The following SOCS5 variants were observed in gnomAD, a reference collection of about 807,000 sequenced individuals.
SOCS5 encodes suppressor of cytokine signaling 5.
A neutral mutation model predicts 42.8 loss-of-function variants in SOCS5; 32 were observed. That is an observed-to-expected ratio of 0.75 (90% CI 0.56 to 1.01). The LOEUF is 1.01. SOCS5 is among the 50% of genes least tolerant of loss of function. The probability of loss-of-function intolerance (pLI) is 0.00; values close to 1 mark genes in which losing one functional copy is unlikely to be tolerated. For synonymous variants in SOCS5, 283 were observed against 229.6 expected (o/e 1.23, Z -2.10); for missense variants, 627 against 653.0 (o/e 0.96, Z 0.43).
In SOCS5 at chr2:46,704,588, T is replaced by A. The variant is rs114261154; in HGVS notation, c.-13+5139T>A. On this transcript the variant is annotated intron_variant, in intron 1 of 1. Transcript: ENST00000394861. ...GTCTTTGTATCAGGATGTAATACTA[T>A]TATGTACTGTATACAGTTTGCTTTT... Among the ~76,000 whole-genome samples the A allele has an allele frequency of 9.1e-3, 1,390 of 152,286 alleles. 13 individuals carry two copies. The highest frequency in any genetic ancestry group is 0.016 in the Admixed American group (242 of 15,290).
chr2:46,721,627 G>C lies in SOCS5; in HGVS notation c.-13+22178G>C, dbSNP rs186670214. 4.8e-3 allele frequency among the ~76,000 whole-genome samples: 729 copies of C among 152,158 alleles called. 1 individual carries two copies. The highest frequency in any genetic ancestry group is 7.4e-3 in the Non-Finnish European group (504 of 68,000). On this transcript the variant is annotated intron_variant, in intron 1 of 1. Coordinates refer to ENST00000394861, the MANE Select transcript of SOCS5 (RefSeq NM_144949.3). Reference sequence around the variant, plus strand: ...AATTAAAATTAGGAAGAGTGAGATAGGTCACTTACTTAAATAGTTTTTAGT... The same window carrying C: ...AATTAAAATTAGGAAGAGTGAGATACGTCACTTACTTAAATAGTTTTTAGT...
chr2:46,700,612 G>C (rs1672318677), intron 1 of SOCS5, among the ~76,000 whole-genome samples: 1 of 152,190 alleles, frequency 6.6e-6, no homozygotes, highest in South Asian at 2.1e-4. Flanking sequence ...TGGGAAGGAG[G>C]TGGTAAGCTA....
In SOCS5 at chr2:46,758,796, T is replaced by C; in HGVS notation, c.266T>C (p.Ile89Thr). 6.2e-7 allele frequency: 1 copy of C among 1,614,182 alleles called. No homozygotes were observed. The highest frequency in any genetic ancestry group is 8.5e-7 in the Non-Finnish European group (1 of 1,180,014). Reference protein sequence around the residue: ...NQNCATEIPQIVEISIEKDND... With the variant: ...NQNCATEIPQTVEISIEKDND... ...AATTGTGCCACAGAAATCCCTCAAA[T>C]TGTTGAAATAAGCATCGAAAAGGAT... Residue 89 changes from isoleucine to threonine, a missense_variant, in exon 2 of 2, where the codon ATT becomes ACT. By Grantham distance (89) the Ile-to-Thr change is moderately conservative (BLOSUM62 -1). This residue lies in a region of SOCS5 where 278 missense variants were observed against 246.3 expected (regional missense o/e 1.13). Coordinates refer to ENST00000394861, the MANE Select transcript of SOCS5 (RefSeq NM_144949.3).
rs192690339 is a variant in SOCS5 at position 46,763,052 on chromosome 2, G to T, written c.*2911G>T. 104 of 166,964 alleles carry T rather than the reference G, an allele frequency of 6.2e-4. No individual in the cohort carries two copies. The highest frequency in any genetic ancestry group is 2.5e-3 in the African/African-American group (103 of 41,520). The allele number at this position is 166,964 out of a possible 1,614,324, so 10.3% of individuals were successfully genotyped here. A position where few individuals can be genotyped will look rare whatever the true frequency, so the allele number is the denominator to read the frequency against. ...CCTAAAGAGTATTCTTGTACTATTC[G>T]AATTTTATTATCTGCACTAAAAGTT... On this transcript the variant is annotated 3_prime_UTR_variant, in exon 2 of 2. Coordinates refer to ENST00000394861, the MANE Select transcript of SOCS5 (RefSeq NM_144949.3).
intron 1 of SOCS5, among the ~76,000 whole-genome samples, chr2:46,723,273 T>G (rs954099132): frequency 6.6e-6 from 1 of 152,068 alleles, no homozygotes; most frequent in Non-Finnish European, 1.5e-5. Flanking sequence ...TCTGAAAGTT[T>G]TATAGGTTGG....
At chr2:46,716,936 C>T (rs904900542) in intron 1 of SOCS5, among the ~76,000 whole-genome samples, 9 of 152,106 alleles carry the variant, frequency 5.9e-5, no homozygotes, top group Non-Finnish European at 5.9e-5. Context: ...TTAATTTCCC[C>T]ATGTATTCAT....
chr2:46,757,523 T>A (rs1457916606), intron 1 of SOCS5, among the ~76,000 whole-genome samples: 1 of 152,196 alleles, frequency 6.6e-6, no homozygotes, highest in African/African-American at 2.4e-5. Flanking sequence ...CTCTATTACT[T>A]TATTACAGTT....
intron 1 of SOCS5, among the ~76,000 whole-genome samples, chr2:46,702,565 A>AATTTATAAGGTCTATT (rs1377389733): frequency 1.3e-5 from 2 of 152,202 alleles, no homozygotes; most frequent in Admixed American, 1.3e-4. Flanking sequence ...GGAAGTCAGG[A>AATTTATAAGGTCTATT]ATTTATAAGG....
At chr2:46,724,319 A>G (rs1041596057) in intron 1 of SOCS5, among the ~76,000 whole-genome samples, 22 of 151,918 alleles carry the variant, frequency 1.4e-4, no homozygotes, top group African/African-American at 4.6e-4. Flanking sequence ...ATTGATTCCA[A>G]TTATAGAGGG....
intron 1 of SOCS5, among the ~76,000 whole-genome samples, chr2:46,719,062 C>T (rs1393432780): frequency 6.6e-6 from 1 of 152,038 alleles, no homozygotes; most frequent in Non-Finnish European, 1.5e-5. Flanking sequence ...AGTTGTGTAA[C>T]CAAATACCAT....
chr2:46,758,478 T>G (rs914332299), intron 1 of SOCS5, 41 bp from the exon 2 acceptor site: 3 of 1,404,992 alleles, frequency 2.1e-6, no homozygotes, highest in Non-Finnish European at 2.0e-6. Flanking sequence ...ACATGCTACT[T>G]TGATTAATTT....
At chr2:46,721,081 A>C (rs752906723) in intron 1 of SOCS5, among the ~76,000 whole-genome samples, 1 of 152,202 alleles carries the variant, frequency 6.6e-6, no homozygotes, top group Non-Finnish European at 1.5e-5. Context: ...ACATTACAGC[A>C]GTTGAGACTT....
rs760952160 is a variant in SOCS5, at chr2:46,759,863, T to G, written c.1333T>G (p.Cys445Gly). Residue 445 changes from cysteine to glycine, a missense_variant, in exon 2 of 2, where the codon TGT becomes GGT. This residue lies in a region of SOCS5 where 340 missense variants were observed against 367.6 expected (regional missense o/e 0.92). Transcript: ENST00000394861. ...CTTTAGTTTCGACGCCCATGACCCG[T>G]GTGTATTTCACTCCTCCACTGTAAC... ...HNFSFDAHDP[C>G]VFHSSTVTGL... 6.2e-7 allele frequency: 1 copy of G among 1,614,192 alleles called. No homozygotes were observed.
At chr2:46,745,606 T>A (rs992427006) in intron 1 of SOCS5, among the ~76,000 whole-genome samples, 1 of 152,190 alleles carries the variant, frequency 6.6e-6, no homozygotes, top group African/African-American at 2.4e-5. Flanking sequence ...GTGCTTATTT[T>A]AAAAATTCTA....
intron 1 of SOCS5, among the ~76,000 whole-genome samples, chr2:46,754,774 C>T (rs970686980): frequency 6.6e-6 from 1 of 152,182 alleles, no homozygotes; most frequent in African/African-American, 2.4e-5. Flanking sequence ...AATAATAGAT[C>T]CTGTCACAAT....
rs922862438 is a variant in SOCS5 at position 46,762,815 on chromosome 2, A to C, written c.*2674A>C. 1 of 165,472 alleles carries C rather than the reference A, an allele frequency of 6.0e-6. No homozygotes were observed. Among genetic ancestry groups the C allele is most frequent in the Non-Finnish European group, 1.5e-5 (1 of 68,078 alleles). The allele number at this position is 165,472 out of a possible 1,614,324, so 10.3% of individuals were successfully genotyped here. On this transcript the variant is annotated 3_prime_UTR_variant, in exon 2 of 2. Coordinates refer to ENST00000394861, the MANE Select transcript of SOCS5 (RefSeq NM_144949.3). ...ATACATCTTTATAGTTGAAATAATTAACCCAAGAAAAGGTTGCTTTGATTT... is the reference window on the plus strand; with the variant it reads ...ATACATCTTTATAGTTGAAATAATTCACCCAAGAAAAGGTTGCTTTGATTT...
chr2:46,709,788 G>A (rs890839761), intron 1 of SOCS5, among the ~76,000 whole-genome samples: 14 of 152,162 alleles, frequency 9.2e-5, no homozygotes, highest in Admixed American at 5.9e-4. Flanking sequence ...AATTTAAATA[G>A]CAATTTAGGA....
At chr2:46,720,772 C>T (rs1672860905) in intron 1 of SOCS5, among the ~76,000 whole-genome samples, 2 of 152,124 alleles carry the variant, frequency 1.3e-5, no homozygotes, top group Non-Finnish European at 2.9e-5. Flanking sequence ...GTCCCTGGGA[C>T]TGTGAGGTAC....
At chr2:46,725,312 TC>T (rs1240120207) in intron 1 of SOCS5, among the ~76,000 whole-genome samples, 2 of 152,096 alleles carry the variant, frequency 1.3e-5, no homozygotes, top group African/African-American at 4.8e-5. Context: ...TTCAAAAAAA[TC>T]TAATAATTTT....
Sources: allele counts gnomAD v4.1 joint callset (sites outside exome capture counted in the v4.1 genomes callset), GRCh38; gene constraint gnomAD v4.1.1; regional missense constraint gnomAD v4.1.1; transcripts MANE v1.5; gene names NCBI Gene and HGNC (gene_info 2026-07-23, HGNC 2026-07-21).